Variants in MCTP2 observed in about 807,000 individuals in gnomAD.
The protein encoded by MCTP2 is multiple C2 and transmembrane domain-containing protein 2.
In MCTP2, 132 loss-of-function variants were observed where a neutral mutation model predicts 111.6. The ratio of observed to expected loss-of-function variants is 1.18; its 90% confidence interval spans 1.03 to 1.37. The LOEUF is 1.37. Ranked by LOEUF, MCTP2 falls within the 40% of genes most tolerant of loss-of-function variation. The probability of loss-of-function intolerance (pLI) is 0.00; values close to 1 mark genes in which losing one functional copy is unlikely to be tolerated. For synonymous variants in MCTP2, 395 were observed against 387.7 expected (o/e 1.02, Z -0.22); for missense variants, 1,183 against 1,067.9 (o/e 1.11, Z -1.50).
At chr15:94,267,750 T>C (rs1226864089) in intron 1 of MCTP2, among the ~76,000 whole-genome samples, 1 of 152,096 alleles carries the variant, frequency 6.6e-6, no homozygotes, top group Non-Finnish European at 1.5e-5. Context: ...CTTTGCATTG[T>C]CAGGATTTTT....
chr15:94,359,751 T>TTA (rs2078822050), intron 10 of MCTP2, among the ~76,000 whole-genome samples: 1 of 152,162 alleles, frequency 6.6e-6, no homozygotes, highest in Non-Finnish European at 1.5e-5. Context: ...AGTAAGGTGT[T>TTA]TAGAGGCATA....
intron 14 of MCTP2, among the ~76,000 whole-genome samples, chr15:94,388,967 G>A (rs748458141): frequency 1.3e-5 from 2 of 152,180 alleles, no homozygotes; most frequent in Non-Finnish European, 2.9e-5. Context: ...GCTATGTGCC[G>A]TCAGGGTCGG....
At chr15:94,325,531 T>G (rs948393844) in intron 4 of MCTP2, among the ~76,000 whole-genome samples, 1 of 152,122 alleles carries the variant, frequency 6.6e-6, no homozygotes, top group African/African-American at 2.4e-5. Flanking sequence ...GAGATAAAAG[T>G]TCCTCCCCCT....
Position 94,483,842 on chromosome 15 carries a change from G to A in MCTP2, c.*4808G>A, listed in dbSNP as rs1455746326. ...GTAACAAACCTGCACAGTTACCCCT[G>A]AACTTTAAAAAAAACTATGTTCTAT... is the stretch of plus-strand genomic sequence containing the variant. On this transcript the variant is annotated 3_prime_UTR_variant, in exon 23 of 23. Transcript: ENST00000357742. 1.3e-5 allele frequency: 2 copies of A among 151,934 alleles called. No homozygotes were observed. Among genetic ancestry groups the A allele is most frequent in the African/African-American group, 4.8e-5 (2 of 41,352 alleles). The allele number at this position is 151,934 out of a possible 1,614,324, so 9.4% of individuals were successfully genotyped here.
intron 10 of MCTP2, 50 bp from the exon 11 acceptor site, chr15:94,367,555 G>A (rs369912989): frequency 6.9e-7 from 1 of 1,454,212 alleles, no homozygotes; most frequent in Non-Finnish European, 9.5e-7. Context: ...GTACTGCAGT[G>A]GCCTTGAATT....
At chr15:94,257,566 G>GTTGTTTTTTT (rs2072871668) in intron 1 of MCTP2, among the ~76,000 whole-genome samples, 5 of 73,006 alleles carry the variant, frequency 6.8e-5, no homozygotes, top group Non-Finnish European at 1.3e-4. Flanking sequence ...CATTTTCTTT[G>GTTGTTTTTTT]TTGTTTTTTT....
intron 3 of MCTP2, chr15:94,315,008 G>A (rs543076460): frequency 1.9e-5 from 6 of 319,594 alleles, no homozygotes; most frequent in Admixed American, 9.1e-5. Context: ...TGGACATGTG[G>A]GCTTGTGGGG....
At chr15:94,416,688 C>T (rs892891514) in intron 17 of MCTP2, among the ~76,000 whole-genome samples, 1 of 152,092 alleles carries the variant, frequency 6.6e-6, no homozygotes, top group African/African-American at 2.4e-5. Context: ...CCCTTGCTTT[C>T]AACTTGCAAA....
intron 4 of MCTP2, among the ~76,000 whole-genome samples, chr15:94,327,583 G>C (rs145770665): frequency 2.9e-4 from 44 of 152,350 alleles, no homozygotes; most frequent in Non-Finnish European, 5.4e-4. Flanking sequence ...CTGGGCCAGT[G>C]TATCAGAAAA....
chr15:94,392,834 C>CA (rs1293749937), intron 14 of MCTP2, among the ~76,000 whole-genome samples: 16 of 149,244 alleles, frequency 1.1e-4, no homozygotes, highest in African/African-American at 1.5e-4. Context: ...AACAAACAAA[C>CA]AAACAAAAAA....
intron 1 of MCTP2, among the ~76,000 whole-genome samples, chr15:94,251,849 A>G (rs1331946840): frequency 6.6e-6 from 1 of 152,096 alleles, no homozygotes; most frequent in African/African-American, 2.4e-5. Context: ...CACGAATTTG[A>G]CTACTTTAAG....
intron 19 of MCTP2, 82 bp downstream of exon 19, chr15:94,443,042 C>CCA: frequency 1.0e-6 from 1 of 996,968 alleles, no homozygotes; most frequent in Non-Finnish European, 1.4e-6. Flanking sequence ...GAGTCTCTCT[C>CCA]CTCTCTTTTT....
At chr15:94,280,216 A>T (rs1003641131) in intron 1 of MCTP2, among the ~76,000 whole-genome samples, 1 of 151,946 alleles carries the variant, frequency 6.6e-6, no homozygotes, top group Non-Finnish European at 1.5e-5. Context: ...AAGTTTTTCT[A>T]TTCCAGGGCT....
intron 1 of MCTP2, among the ~76,000 whole-genome samples, chr15:94,234,510 T>C (rs984237715): frequency 2.0e-5 from 3 of 151,964 alleles, no homozygotes; most frequent in African/African-American, 7.2e-5. Flanking sequence ...AAGCCCAAAG[T>C]TGAAGCTCTG....
intron 1 of MCTP2, among the ~76,000 whole-genome samples, chr15:94,258,791 G>A (rs1468379578): frequency 6.6e-6 from 1 of 152,080 alleles, no homozygotes; most frequent in Non-Finnish European, 1.5e-5. Context: ...TTCTTTTCCT[G>A]GTATTGCAGT....
At chr15:94,472,608 C>T (rs1445934773) in intron 21 of MCTP2, among the ~76,000 whole-genome samples, 10 of 152,138 alleles carry the variant, frequency 6.6e-5, no homozygotes, top group Non-Finnish European at 1.5e-4. Flanking sequence ...GTTTATTATG[C>T]TCTCTTGGGC....
intron 14 of MCTP2, among the ~76,000 whole-genome samples, chr15:94,387,433 T>C (rs1183052924): frequency 6.6e-6 from 1 of 152,152 alleles, no homozygotes; most frequent in Non-Finnish European, 1.5e-5. Context: ...CAAGAACCGC[T>C]GACCTAAACT....
chr15:94,340,272 A>G lies in MCTP2; in HGVS notation c.854A>G (p.Asn285Ser), dbSNP rs765594446. 12 of 1,608,482 alleles carry G rather than the reference A, an allele frequency of 7.5e-6. No individual in the cohort carries two copies. In the Admixed American group the frequency reaches 1.5e-4, roughly 20 times the overall value. ...AFVILSDLEL[N>S]RTTEHILKLE... ...GTCATTCTCAGTGATCTTGAGCTTAACAGGTACCGTATTTTTACATTTTAA... is the reference window on the plus strand; with the variant it reads ...GTCATTCTCAGTGATCTTGAGCTTAGCAGGTACCGTATTTTTACATTTTAA... The change falls in exon 6 of 23, where the codon AAC becomes AGC. Residue 285 changes from asparagine (N) to serine (S), a missense_variant. Physicochemically the swap from Asn to Ser is conservative, Grantham distance 46 (BLOSUM62 1). Coordinates refer to ENST00000357742, the MANE Select transcript of MCTP2 (RefSeq NM_001385001.1).
At chr15:94,358,000 A>G (rs767868355) in intron 9 of MCTP2, among the ~76,000 whole-genome samples, 1 of 152,198 alleles carries the variant, frequency 6.6e-6, no homozygotes, top group African/African-American at 2.4e-5. Context: ...ATAGGTAGCA[A>G]TATACAAGTC....
Sources: gnomAD v4.1 joint callset for allele counts (sites outside exome capture counted in the v4.1 genomes callset) on GRCh38, gnomAD v4.1.1 for gene constraint, MANE v1.5 for transcripts, NCBI Gene and HGNC (gene_info 2026-07-23, HGNC 2026-07-21) for gene names.